NCAM2: variants seen among roughly 807,000 people sequenced by gnomAD.
The protein encoded by NCAM2 is N-CAM-2.
NCAM2 carries 30 observed loss-of-function variants against 98.1 expected under a neutral mutation model. The observed-to-expected ratio is 0.31, with a 90% CI of 0.23 to 0.41. The LOEUF (loss-of-function observed/expected upper bound fraction) is 0.41. Among genes scored for constraint, NCAM2 ranks in the 10% least tolerant of loss-of-function variants. The pLI, the probability that NCAM2 is intolerant of heterozygous loss-of-function variation, is 1.00. For missense variants in NCAM2, 867 were observed against 1,005.8 expected (o/e 0.86, Z 1.87); for synonymous variants, 368 against 342.4 (o/e 1.07, Z -0.83).
At chr21:21,146,986 G>A (rs973281750) in intron 1 of NCAM2, 2 of 648,172 alleles carry the variant, frequency 3.1e-6, no homozygotes, top group South Asian at 7.0e-5. Context: ...TCAGACCGCT[G>A]CCTTCTACTC....
At chr21:21,199,264 A>G (rs1389695612) in intron 1 of NCAM2, among the ~76,000 whole-genome samples, 2 of 152,200 alleles carry the variant, frequency 1.3e-5, no homozygotes, top group African/African-American at 4.8e-5. Flanking sequence ...GCTCTGCATT[A>G]ATAAACTTGC....
At chr21:21,383,538 C>A (rs1156737641) in intron 9 of NCAM2, among the ~76,000 whole-genome samples, 2 of 152,154 alleles carry the variant, frequency 1.3e-5, no homozygotes, top group Non-Finnish European at 2.9e-5. Flanking sequence ...AGCTAGTTTT[C>A]ATTTCCCATC....
At chr21:21,133,949 A>C (rs150765403) in intron 1 of NCAM2, among the ~76,000 whole-genome samples, 1 of 151,942 alleles carries the variant, frequency 6.6e-6, no homozygotes, top group Non-Finnish European at 1.5e-5. Flanking sequence ...GGATATTCCA[A>C]ATCTTAATGG....
At chr21:21,068,825 A>G (rs1232262918) in intron 1 of NCAM2, among the ~76,000 whole-genome samples, 1 of 152,258 alleles carries the variant, frequency 6.6e-6, no homozygotes, top group South Asian at 2.1e-4. Flanking sequence ...AGTTGTTAAT[A>G]TTCCAGTTTG....
At chr21:21,005,629 A>T (rs922412635) in intron 1 of NCAM2, among the ~76,000 whole-genome samples, 6 of 152,086 alleles carry the variant, frequency 3.9e-5, no homozygotes, top group Non-Finnish European at 7.4e-5. Flanking sequence ...CCCCATTTAT[A>T]CTTTAAATGT....
At chr21:21,296,327 T>TA (rs1369013754) in intron 5 of NCAM2, among the ~76,000 whole-genome samples, 1 of 151,840 alleles carries the variant, frequency 6.6e-6, no homozygotes, top group Non-Finnish European at 1.5e-5. Flanking sequence ...GTATTAAAGA[T>TA]AAATATAATG....
At chr21:21,286,556 A>C in intron 4 of NCAM2, 144 bp downstream of exon 4, 1 of 907,300 alleles carries the variant, frequency 1.1e-6, no homozygotes, top group Non-Finnish European at 1.6e-6. Context: ...TAAGCTCTAC[A>C]TTAGGATTTT....
In NCAM2 at chr21:21,134,992, T is replaced by C. The variant is rs2067013577; in HGVS notation, c.55+136374T>C. On this transcript the variant is annotated intron_variant, in intron 1 of 17. Coordinates refer to ENST00000400546, the MANE Select transcript of NCAM2 (RefSeq NM_004540.5). ...GCTCACGCCTGTAATCCCAGCACTT[T>C]GGGAGGCCGAGGCGGGCAGATCACG... Among the ~76,000 whole-genome samples, 3 of 151,572 alleles carry C rather than the reference T, an allele frequency of 2.0e-5. No individual in the cohort carries two copies. In the South Asian group the frequency reaches 6.3e-4, roughly 32 times the overall value.
intron 1 of NCAM2, among the ~76,000 whole-genome samples, chr21:21,112,443 A>T (rs1198746527): frequency 6.6e-6 from 1 of 152,146 alleles, no homozygotes; most frequent in Non-Finnish European, 1.5e-5. Context: ...TTTCTATTAC[A>T]ACTTCTATCA....
At chr21:21,375,640 T>C (rs775421712) in intron 9 of NCAM2, among the ~76,000 whole-genome samples, 15 of 151,820 alleles carry the variant, frequency 9.9e-5, no homozygotes, top group African/African-American at 3.1e-4. Context: ...ATAAATACTT[T>C]ACACTTTTAC....
At chr21:21,079,759 C>T (rs912825361) in intron 1 of NCAM2, among the ~76,000 whole-genome samples, 1 of 152,088 alleles carries the variant, frequency 6.6e-6, no homozygotes, top group African/African-American at 2.4e-5. Context: ...TGATAAATTC[C>T]CATCTCTATG....
intron 1 of NCAM2, among the ~76,000 whole-genome samples, chr21:21,011,558 A>G (rs1007573000): frequency 6.6e-6 from 1 of 152,080 alleles, no homozygotes; most frequent in African/African-American, 2.4e-5. Context: ...CTATCGCCTT[A>G]TATAGTTATT....
intron 15 of NCAM2, among the ~76,000 whole-genome samples, chr21:21,485,376 A>G (rs2059329006): frequency 6.6e-6 from 1 of 152,092 alleles, no homozygotes; most frequent in Non-Finnish European, 1.5e-5. Context: ...TATTTATTAC[A>G]TTTTTCTGGA....
At chr21:21,090,313 CT>C (rs35744231) in intron 1 of NCAM2, among the ~76,000 whole-genome samples, 1 of 151,914 alleles carries the variant, frequency 6.6e-6, no homozygotes, top group African/African-American at 2.4e-5. Context: ...TCTAATTCAG[CT>C]TTTTTTTAAA....
intron 1 of NCAM2, among the ~76,000 whole-genome samples, chr21:21,191,872 A>G (rs1277080392): frequency 1.3e-5 from 2 of 152,178 alleles, no homozygotes; most frequent in Admixed American, 1.3e-4. Flanking sequence ...ACTTGTTGAC[A>G]TAGAGAAGAA....
At chr21:21,345,309 A>G (rs946432149) in intron 8 of NCAM2, among the ~76,000 whole-genome samples, 2 of 152,246 alleles carry the variant, frequency 1.3e-5, no homozygotes, top group African/African-American at 2.4e-5. Context: ...TCCTAGAGAA[A>G]TAGAAATATG....
chr21:21,494,365 C>T (rs1440787078), intron 15 of NCAM2, among the ~76,000 whole-genome samples: 3 of 151,754 alleles, frequency 2.0e-5, no homozygotes, highest in Non-Finnish European at 4.4e-5. Flanking sequence ...AGCAGCCTTT[C>T]AATGTTGACA....
intron 16 of NCAM2, among the ~76,000 whole-genome samples, chr21:21,512,319 G>C (rs62216121): frequency 0.042 from 6,411 of 152,034 alleles, 203 homozygotes; most frequent in Non-Finnish European, 0.07. Flanking sequence ...TGGATGTCCA[G>C]ATTTCCCAGT....
intron 1 of NCAM2, among the ~76,000 whole-genome samples, chr21:21,259,329 G>A (rs1464656676): frequency 6.6e-6 from 1 of 152,102 alleles, no homozygotes; most frequent in Non-Finnish European, 1.5e-5. Context: ...GCCACACTGT[G>A]GCCAGGAACC....
Sources: gnomAD v4.1 joint callset for allele counts (sites outside exome capture counted in the v4.1 genomes callset) on GRCh38, gnomAD v4.1.1 for gene constraint, MANE v1.5 for transcripts, NCBI Gene and HGNC (gene_info 2026-07-23, HGNC 2026-07-21) for gene names.